The following MDFIC2 variants were observed in gnomAD, a reference collection of about 807,000 sequenced individuals.
MDFIC2 encodes myoD family inhibitor domain-containing protein 2.
Position 70,196,294 on chromosome 3 carries a change from G to A in MDFIC2, c.*632C>T, listed in dbSNP as rs1332715858. ...TCTAGAATTATAGTACTCTCTTGAA[G>A]TACACCATATTCAAAATTCACTGGA... is the stretch of plus-strand genomic sequence containing the variant. On this transcript the variant is annotated 3_prime_UTR_variant, in exon 4 of 4. Coordinates refer to ENST00000567252, the MANE Select transcript of MDFIC2 (RefSeq NM_001364677.1). Among the ~76,000 whole-genome samples the A allele has an allele frequency of 1.3e-5, 2 of 152,126 alleles. No homozygotes were observed. The highest frequency in any genetic ancestry group is 2.9e-5 in the Non-Finnish European group (2 of 68,024).
chr3:70,237,979 C>CTTTTTTTTTTTTTTTTTT lies in MDFIC2; in HGVS notation c.89-31207_89-31190dup, dbSNP rs71672662. Among the ~76,000 whole-genome samples, 116 of 48,942 alleles carry CTTTTTTTTTTTTTTTTTT rather than the reference C, an allele frequency of 2.4e-3. 39 individuals carry two copies. The highest frequency in any genetic ancestry group is 7.2e-3 in the African/African-American group (68 of 9,428). 32.1% of individuals were successfully genotyped at this position (48,942 alleles called of 152,430 possible). ...GGAAAAGAAACTAATTGAGTGGTAT[C>CTTTTTTTTTTTTTTTTTT]TTTTTTTTTTTTTTTTTTTTTTTTT... On this transcript the variant is annotated intron_variant, in intron 2 of 3. Coordinates refer to ENST00000567252, the MANE Select transcript of MDFIC2 (RefSeq NM_001364677.1).
intron 2 of MDFIC2, among the ~76,000 whole-genome samples, chr3:70,235,284 T>C (rs1474935519): frequency 6.6e-6 from 1 of 152,206 alleles, no homozygotes; most frequent in Non-Finnish European, 1.5e-5. Flanking sequence ...GGATGCATTC[T>C]TAGGTGTACT....
intron 2 of MDFIC2, among the ~76,000 whole-genome samples, chr3:70,289,658 C>G (rs1702209965): frequency 6.6e-6 from 1 of 151,886 alleles, no homozygotes; most frequent in African/African-American, 2.4e-5. Flanking sequence ...AGAGTGTTTT[C>G]CAACTTGGTT....
chr3:70,205,884 A>C (rs1205398486), intron 3 of MDFIC2: 1 of 152,068 alleles, frequency 6.6e-6, no homozygotes, highest in Admixed American at 6.6e-5. Context: ...TCTCCTGTAA[A>C]GGTCATTGCA....
chr3:70,263,634 C>T (rs563757180), intron 2 of MDFIC2, among the ~76,000 whole-genome samples: 14 of 152,278 alleles, frequency 9.2e-5, no homozygotes, highest in African/African-American at 3.4e-4. Flanking sequence ...AGATGGTATT[C>T]AGCAAAAGAC....
At chr3:70,294,200 A>G (rs1230125747) in intron 2 of MDFIC2, among the ~76,000 whole-genome samples, 1 of 152,170 alleles carries the variant, frequency 6.6e-6, no homozygotes, top group Non-Finnish European at 1.5e-5. Flanking sequence ...TTTTCTGTAG[A>G]ATGAAAAACT....
At chr3:70,238,543 T>G (rs1559542282) in intron 2 of MDFIC2, among the ~76,000 whole-genome samples, 1 of 151,660 alleles carries the variant, frequency 6.6e-6, no homozygotes, top group Non-Finnish European at 1.5e-5. Context: ...GCCTGGGTGG[T>G]GAAGGCTGCA....
At chr3:70,200,121 C>A (rs570662126) in intron 3 of MDFIC2, among the ~76,000 whole-genome samples, 3 of 152,140 alleles carry the variant, frequency 2.0e-5, no homozygotes, top group African/African-American at 4.8e-5. Context: ...AATTCGTATT[C>A]GAAATCCACA....
In MDFIC2 at chr3:70,197,060, T is replaced by C. The variant is rs992543912; in HGVS notation, c.436A>G (p.Thr146Ala). The change falls in exon 4 of 4, where the codon ACC (threonine) becomes GCC (alanine). Residue 146 changes from threonine (T) to alanine (A), a missense_variant. Transcript: ENST00000567252. Reference protein sequence around the residue: ...MCCPSRRYHHTSDENHSRNDC... With the variant: ...MCCPSRRYHHASDENHSRNDC... ...TTCCGAGAGTGGTTTTCATCCGAGG[T>C]GTGGTGATACCGGCGAGAGGGGCAG... The C allele has an allele frequency of 7.5e-6, 3 of 398,320 alleles. No homozygotes were observed. Among genetic ancestry groups the C allele is most frequent in the Non-Finnish European group, 1.3e-5 (3 of 226,024 alleles). 24.7% of individuals were successfully genotyped at this position (398,320 alleles called of 1,614,324 possible).
At chr3:70,233,188 G>A (rs1701577691) in intron 2 of MDFIC2, among the ~76,000 whole-genome samples, 2 of 152,136 alleles carry the variant, frequency 1.3e-5, no homozygotes, top group South Asian at 4.1e-4. Flanking sequence ...CAGAGTTTGG[G>A]TACTAAAAGC....
rs79178244 is a variant in MDFIC2 at position 70,260,099 on chromosome 3, C to A, written c.88+51787G>T. The stretch of plus-strand genomic sequence containing the variant: ...GTGGGGACACAAAACCCAACCATAT[C>A]AATTGGCTTACAGTTCTAAAGGCTA... On this transcript the variant is annotated intron_variant, in intron 2 of 3. Transcript: ENST00000567252. Among the ~76,000 whole-genome samples the A allele has an allele frequency of 7.5e-3, 1,141 of 152,294 alleles. 11 individuals are homozygous for A. The highest frequency in any genetic ancestry group is 0.026 in the African/African-American group (1,086 of 41,566).
At chr3:70,282,001 CACATTACCAGA>C (rs2106682672) in intron 2 of MDFIC2, among the ~76,000 whole-genome samples, 1 of 152,270 alleles carries the variant, frequency 6.6e-6, no homozygotes, top group East Asian at 1.9e-4. Context: ...CCTGGACAGA[CACATTACCAGA>C]ACACCAGGGG....
At chr3:70,242,196 T>G (rs568173168) in intron 2 of MDFIC2, among the ~76,000 whole-genome samples, 5 of 152,202 alleles carry the variant, frequency 3.3e-5, no homozygotes, top group Non-Finnish European at 5.9e-5. Flanking sequence ...TTCTGGAGTA[T>G]CTTTCCAACC....
At chr3:70,214,013 G>A (rs2106731309) in intron 2 of MDFIC2, among the ~76,000 whole-genome samples, 1 of 152,180 alleles carries the variant, frequency 6.6e-6, no homozygotes, top group Non-Finnish European at 1.5e-5. Flanking sequence ...TTCTTTGAAA[G>A]CTGGGTAATA....
intron 3 of MDFIC2, chr3:70,204,551 C>T (rs1454982043): frequency 5.3e-5 from 8 of 152,080 alleles, no homozygotes; most frequent in African/African-American, 1.7e-4. Flanking sequence ...TGGACTATCA[C>T]CTAGGTGGTC....
intron 2 of MDFIC2, among the ~76,000 whole-genome samples, chr3:70,239,423 T>C (rs575487764): frequency 6.6e-6 from 1 of 152,284 alleles, no homozygotes; most frequent in African/African-American, 2.4e-5. Context: ...GGTTGGAGAT[T>C]GACTCTGTTC....
rs111944881 is a variant in MDFIC2, at chr3:70,196,455, A to T, written c.*471T>A. 6.2e-4 allele frequency among the ~76,000 whole-genome samples: 94 copies of T among 152,190 alleles called. 2 individuals are homozygous for T. The highest frequency in any genetic ancestry group is 3.5e-3 in the South Asian group (17 of 4,832). ...AAATTTTTAATTACAAAATGATGTT[A>T]TACAATACATTATTAATAATAACCA... On this transcript the variant is annotated 3_prime_UTR_variant, in exon 4 of 4. Coordinates refer to ENST00000567252, the MANE Select transcript of MDFIC2 (RefSeq NM_001364677.1).
intron 2 of MDFIC2, among the ~76,000 whole-genome samples, chr3:70,306,176 T>G (rs1476053539): frequency 6.6e-6 from 1 of 152,180 alleles, no homozygotes; most frequent in Non-Finnish European, 1.5e-5. Flanking sequence ...TGGTCTCAGC[T>G]CACTGCAACC....
At chr3:70,198,819 T>A (rs1265846848) in intron 3 of MDFIC2, among the ~76,000 whole-genome samples, 3 of 152,216 alleles carry the variant, frequency 2.0e-5, no homozygotes, top group Non-Finnish European at 4.4e-5. Flanking sequence ...TAGAGCCAGC[T>A]TTTAGCGTGT....
Sources: gnomAD v4.1 joint callset for allele counts (sites outside exome capture counted in the v4.1 genomes callset) on GRCh38, gnomAD v4.1.1 for gene constraint, MANE v1.5 for transcripts, NCBI Gene and HGNC (gene_info 2026-07-23, HGNC 2026-07-21) for gene names.